The following CCNY variants were observed in gnomAD, a reference collection of about 807,000 sequenced individuals.
CCNY encodes cyclin-Y.
A neutral mutation model predicts 42.8 loss-of-function variants in CCNY; 19 were observed. The ratio of observed to expected loss-of-function variants is 0.44; its 90% CI spans 0.31 to 0.65. CCNY has a LOEUF of 0.65. CCNY is among the 30% of genes least tolerant of loss of function. The probability of loss-of-function intolerance (pLI) is 0.07; values close to 1 mark genes in which losing one functional copy is unlikely to be tolerated. For missense variants in CCNY, 370 were observed against 437.3 expected, an observed-to-expected ratio of 0.85 and a Z score of 1.37; for synonymous variants, 165 against 162.7, an observed-to-expected ratio of 1.01 and a Z score of -0.11.
At chr10:35,519,802 G>A (rs78926883) in intron 4 of CCNY, among the ~76,000 whole-genome samples, 5 of 7,548 alleles carry the variant, frequency 6.6e-4, no homozygotes, top group Non-Finnish European at 1.5e-3. Context: ...TTTTTTTTTT[G>A]AGACAGGATC....
intron 3 of CCNY, among the ~76,000 whole-genome samples, chr10:35,321,923 A>C (rs952071870): frequency 6.6e-6 from 1 of 152,218 alleles, no homozygotes; most frequent in Non-Finnish European, 1.5e-5. Flanking sequence ...TGGCCACAGT[A>C]AGTCAATAGG....
chr10:35,470,966 G>T (rs188435181), intron 1 of CCNY, among the ~76,000 whole-genome samples: 9 of 152,290 alleles, frequency 5.9e-5, no homozygotes, highest in Admixed American at 5.9e-4. Flanking sequence ...TGAAATTAGG[G>T]GTTTGAGATT....
chr10:35,462,612 G>A (rs375902450), intron 1 of CCNY, among the ~76,000 whole-genome samples: 3 of 152,220 alleles, frequency 2.0e-5, no homozygotes, highest in African/African-American at 7.2e-5. Flanking sequence ...TGTCTTATTT[G>A]CTTATTTGCA....
intron 1 of CCNY, among the ~76,000 whole-genome samples, chr10:35,397,222 G>T (rs914911017): frequency 6.6e-6 from 1 of 152,248 alleles, no homozygotes; most frequent in African/African-American, 2.4e-5. Flanking sequence ...TGTTGAAGTT[G>T]TTCTGGTAGC....
chr10:35,320,364 A>C (rs112972052), intron 3 of CCNY, among the ~76,000 whole-genome samples: 26 of 152,182 alleles, frequency 1.7e-4, no homozygotes, highest in African/African-American at 6.0e-4. Context: ...AAGGAGAAAA[A>C]CCATATATGA....
At position 35,289,061 on chromosome 10, in the gene CCNY, C is replaced by T. The variant is rs563259408; in HGVS notation, c.-9+38435C>T. 7.2e-5 allele frequency among the ~76,000 whole-genome samples: 11 copies of T among 152,188 alleles called. No homozygotes were observed. The South Asian group carries it at 2.3e-3, about 32-fold the overall frequency. ...TTCTAGTTCATGAACATAGATATCT[C>T]TCCATTTACTGAGGTTTTTAAAAAT... On this transcript the variant is annotated intron_variant, in intron 3 of 11. Coordinates refer to the CCNY transcript ENST00000374706.
At chr10:35,309,525 A>G (rs534123618) in intron 3 of CCNY, among the ~76,000 whole-genome samples, 1 of 152,098 alleles carries the variant, frequency 6.6e-6, no homozygotes, top group Non-Finnish European at 1.5e-5. Context: ...TGGGCTCAAG[A>G]TACTTCTGCC....
chr10:35,321,182 A>G (rs532766895), intron 3 of CCNY, among the ~76,000 whole-genome samples: 172 of 151,056 alleles, frequency 1.1e-3, no homozygotes, highest in Non-Finnish European at 1.8e-3. Context: ...AAAAACATGG[A>G]CTAGTTAGGG....
At chr10:35,285,043 T>G (rs1835337320) in intron 3 of CCNY, among the ~76,000 whole-genome samples, 1 of 152,072 alleles carries the variant, frequency 6.6e-6, no homozygotes, top group Admixed American at 6.6e-5. Flanking sequence ...CCAGACAGAG[T>G]CTTGCTCTGT....
chr10:35,371,126 G>A lies in CCNY; in HGVS notation c.154+33919G>A, dbSNP rs371198382. Among the ~76,000 whole-genome samples the A allele has an allele frequency of 8.5e-5, 13 of 152,234 alleles. 1 individual carries two copies. Among genetic ancestry groups the A allele is most frequent in the African/African-American group, 3.1e-4 (13 of 41,542 alleles). ...GGATTTCTTTTCTTGACTTCTCCAC[G>A]TAGCCTGTATGTCCCTTCAAAGCAG... On this transcript the variant is annotated intron_variant, in intron 1 of 9. Coordinates refer to ENST00000374704, the MANE Select transcript of CCNY (RefSeq NM_145012.6).
At chr10:35,568,195 G>T (rs966415030) in intron 9 of CCNY, among the ~76,000 whole-genome samples, 1 of 152,220 alleles carries the variant, frequency 6.6e-6, no homozygotes, top group African/African-American at 2.4e-5. Context: ...CGAGGTTGGT[G>T]GAGTTGGCAC....
At chr10:35,291,308 A>G (rs1835410965) in intron 3 of CCNY, among the ~76,000 whole-genome samples, 1 of 151,956 alleles carries the variant, frequency 6.6e-6, no homozygotes, top group Non-Finnish European at 1.5e-5. Context: ...CCGGCCTAAT[A>G]TGAGGTCTTT....
At chr10:35,562,775 C>A (rs1841491747) in intron 8 of CCNY, among the ~76,000 whole-genome samples, 1 of 152,118 alleles carries the variant, frequency 6.6e-6, no homozygotes, top group African/African-American at 2.4e-5. Context: ...GTAAGTGTGG[C>A]TATGCAGATA....
intron 1 of CCNY, among the ~76,000 whole-genome samples, chr10:35,381,632 A>G (rs558988472): frequency 6.6e-6 from 1 of 152,240 alleles, no homozygotes; most frequent in Admixed American, 6.5e-5. Flanking sequence ...CTGGTGTCAG[A>G]TTAGCCCTAA....
At chr10:35,418,911 C>T (rs551135405) in intron 1 of CCNY, among the ~76,000 whole-genome samples, 2 of 152,042 alleles carry the variant, frequency 1.3e-5, no homozygotes, top group Non-Finnish European at 2.9e-5. Context: ...ACCTCCGCCT[C>T]CTGGGTTCAA....
At chr10:35,344,098 TG>T (rs1192894982) in intron 1 of CCNY, among the ~76,000 whole-genome samples, 9 of 152,192 alleles carry the variant, frequency 5.9e-5, no homozygotes, top group African/African-American at 2.2e-4. Context: ...CTTCAGATGT[TG>T]AGTAGTTTGT....
chr10:35,277,534 T>C (rs1453989040), intron 3 of CCNY, among the ~76,000 whole-genome samples: 1 of 152,104 alleles, frequency 6.6e-6, no homozygotes, highest in Non-Finnish European at 1.5e-5. Context: ...GGTTAAGACT[T>C]CCTTAAACTC....
chr10:35,412,253 A>G (rs1300544809), intron 1 of CCNY, among the ~76,000 whole-genome samples: 1 of 152,196 alleles, frequency 6.6e-6, no homozygotes, highest in African/African-American at 2.4e-5. Context: ...GGAAACAGTA[A>G]TCCAATCTAC....
chr10:35,487,369 G>C (rs974889963), intron 2 of CCNY, among the ~76,000 whole-genome samples: 5 of 152,148 alleles, frequency 3.3e-5, no homozygotes, highest in African/African-American at 1.2e-4. Context: ...GATGAGGACA[G>C]TCATGTTAGG....
Sources: gnomAD v4.1 joint callset for allele counts (sites outside exome capture counted in the v4.1 genomes callset) on GRCh38, gnomAD v4.1.1 for gene constraint, MANE v1.5 for transcripts, NCBI Gene and HGNC (gene_info 2026-07-23, HGNC 2026-07-21) for gene names.